SPON1: variants seen among roughly 807,000 people sequenced by gnomAD.
The protein encoded by SPON1 is spondin 1, also known as spondin-1.
A neutral mutation model predicts 111.7 loss-of-function variants in SPON1; 52 were observed. The observed-to-expected ratio is 0.47, with a 90% CI of 0.37 to 0.59. The LOEUF (loss-of-function observed/expected upper bound fraction) is 0.59, where lower values mean the gene tolerates loss of function less well. SPON1 is among the 20% of genes least tolerant of loss of function. The probability of loss-of-function intolerance (pLI) is 0.00; values close to 1 mark genes in which losing one functional copy is unlikely to be tolerated. For missense variants in SPON1, 957 were observed against 1,068.5 expected (o/e 0.90, Z 1.46); for synonymous variants, 410 against 395.8 (o/e 1.04, Z -0.43).
chr11:14,031,996 G>A (rs1848562487), intron 2 of SPON1, among the ~76,000 whole-genome samples: 1 of 152,110 alleles, frequency 6.6e-6, no homozygotes, highest in Non-Finnish European at 1.5e-5. Context: ...ATTTAGCTAA[G>A]GGGGATCATA....
At chr11:14,091,170 G>T (rs1028028331) in intron 5 of SPON1, among the ~76,000 whole-genome samples, 2 of 152,076 alleles carry the variant, frequency 1.3e-5, no homozygotes, top group African/African-American at 4.8e-5. Context: ...AACCTTGAGC[G>T]AGACACAGGG....
rs917642736 is a variant in SPON1 at position 14,254,744 on chromosome 11, C to A, written c.1092+15C>A. ...TGACCTATGAGGTGTGTGTGTGTGC[C>A]TGGAGTGGTGAGTGGCTCCTTGCCT... On this transcript the variant is annotated intron_variant, in intron 8 of 15. Transcript: ENST00000576479. The A allele has an allele frequency of 3.1e-6, 5 of 1,610,778 alleles. No homozygotes were observed. Among genetic ancestry groups the A allele is most frequent in the Non-Finnish European group, 4.2e-6 (5 of 1,178,422 alleles).
At chr11:14,152,498 C>T (rs1338850348) in intron 6 of SPON1, among the ~76,000 whole-genome samples, 2 of 152,214 alleles carry the variant, frequency 1.3e-5, no homozygotes, top group East Asian at 3.8e-4. Flanking sequence ...TGGAGAGCAG[C>T]TCTCTGGAGT....
chr11:14,082,895 C>T (rs558349744), intron 5 of SPON1, among the ~76,000 whole-genome samples: 67 of 152,244 alleles, frequency 4.4e-4, no homozygotes, highest in African/African-American at 1.4e-3. Context: ...TATTAGTCAT[C>T]CAAAACACTG....
chr11:13,978,201 C>T (rs1234647059), intron 1 of SPON1, among the ~76,000 whole-genome samples: 1 of 152,108 alleles, frequency 6.6e-6, no homozygotes, highest in Non-Finnish European at 1.5e-5. Flanking sequence ...CAATTTTGCA[C>T]TTCTTTCATT....
At chr11:14,189,857 A>G (rs1848326309) in intron 6 of SPON1, among the ~76,000 whole-genome samples, 1 of 152,214 alleles carries the variant, frequency 6.6e-6, no homozygotes, top group African/African-American at 2.4e-5. Context: ...CATCATTTCA[A>G]AGCTGGAATT....
chr11:14,009,529 T>G (rs1320690969), intron 2 of SPON1, among the ~76,000 whole-genome samples: 1 of 152,238 alleles, frequency 6.6e-6, no homozygotes, highest in East Asian at 1.9e-4. Flanking sequence ...CATTATATGC[T>G]CTGTTATGTT....
At chr11:14,230,621 G>C (rs146124083) in intron 6 of SPON1, among the ~76,000 whole-genome samples, 1 of 152,180 alleles carries the variant, frequency 6.6e-6, no homozygotes, top group Admixed American at 6.5e-5. Context: ...CTAGAGGTCC[G>C]CCCTACTCTC....
chr11:14,259,205 G>C lies in SPON1; in HGVS notation c.1493-75G>C. 1 of 1,466,626 alleles carries C rather than the reference G, an allele frequency of 6.8e-7. No individual in the cohort carries two copies. Among genetic ancestry groups the C allele is most frequent in the South Asian group, 1.4e-5 (1 of 73,444 alleles). 90.9% of individuals were successfully genotyped at this position (1,466,626 alleles called of 1,614,324 possible). A position where few individuals can be genotyped will look rare whatever the true frequency, so the allele number is the denominator to read the frequency against. ...GACTCCTCTTGATTCCCGCTGGCGG[G>C]AAGTTCCCACCGCGCAGCCTGGCAG... On this transcript the variant is annotated intron_variant, in intron 11 of 15. Coordinates refer to ENST00000576479, the MANE Select transcript of SPON1 (RefSeq NM_006108.4). The surrounding 1 kb of genome is among the most constrained non-coding windows in gnomAD (Gnocchi z 5.0).
chr11:14,197,939 G>A (rs1446891985), intron 6 of SPON1, among the ~76,000 whole-genome samples: 5 of 152,136 alleles, frequency 3.3e-5, no homozygotes, highest in Non-Finnish European at 5.9e-5. Context: ...GGCTTTGTTC[G>A]TTTCTCTCTC....
chr11:14,255,157 GC>G (rs1285012873), intron 8 of SPON1, among the ~76,000 whole-genome samples: 1 of 152,182 alleles, frequency 6.6e-6, no homozygotes, highest in African/African-American at 2.4e-5. Flanking sequence ...AGACAAATCT[GC>G]CCTACAATGT....
intron 7 of SPON1, 69 bp from the exon 8 acceptor site, chr11:14,254,459 C>T (rs1177089871): frequency 2.2e-6 from 3 of 1,337,990 alleles, no homozygotes; most frequent in African/African-American, 1.5e-5. Flanking sequence ...ATAATCCAGG[C>T]AGATTTCCCT....
intron 2 of SPON1, among the ~76,000 whole-genome samples, chr11:14,027,322 G>A (rs1385598691): frequency 2.0e-5 from 3 of 152,220 alleles, no homozygotes; most frequent in African/African-American, 4.8e-5. Context: ...AGTTGGTGAT[G>A]TCGTGGAAAG....
intron 3 of SPON1, among the ~76,000 whole-genome samples, chr11:14,058,344 G>T (rs1848763284): frequency 6.6e-6 from 1 of 152,164 alleles, no homozygotes; most frequent in South Asian, 2.1e-4. Context: ...TGTGACCGGA[G>T]ACTCGCAGAG....
intron 6 of SPON1, among the ~76,000 whole-genome samples, chr11:14,234,755 T>C (rs988233445): frequency 2.6e-5 from 4 of 152,160 alleles, no homozygotes; most frequent in African/African-American, 9.7e-5. Context: ...CAGGGGAAAA[T>C]CATTATCTAC....
intron 5 of SPON1, among the ~76,000 whole-genome samples, chr11:14,109,002 C>T (rs560964506): frequency 1.3e-5 from 2 of 152,292 alleles, no homozygotes; most frequent in South Asian, 4.1e-4. Flanking sequence ...AATTGTTGAG[C>T]TGAGTCCTGG....
intron 5 of SPON1, among the ~76,000 whole-genome samples, chr11:14,097,578 A>G (rs1466099294): frequency 6.6e-6 from 1 of 152,114 alleles, no homozygotes; most frequent in African/African-American, 2.4e-5. Flanking sequence ...GTTTTACCTA[A>G]TATTCCTTGG....
At chr11:14,202,853 C>CCGGGCAGAGT (rs1848478078) in intron 6 of SPON1, among the ~76,000 whole-genome samples, 1 of 152,146 alleles carries the variant, frequency 6.6e-6, no homozygotes, top group Non-Finnish European at 1.5e-5. Flanking sequence ...ACCGATTACA[C>CCGGGCAGAGT]CGGGCAGAGT....
chr11:14,261,457 G>A (rs943415739), intron 14 of SPON1, among the ~76,000 whole-genome samples: 31 of 152,306 alleles, frequency 2.0e-4, no homozygotes, highest in Non-Finnish European at 3.5e-4. Flanking sequence ...CGATGACTCA[G>A]CACCTCTGTT....
Sources: gnomAD v4.1 joint callset for allele counts (sites outside exome capture counted in the v4.1 genomes callset) on GRCh38, gnomAD v4.1.1 for gene constraint, Gnocchi (gnomAD v3.1) non-coding constraint, MANE v1.5 for transcripts, NCBI Gene and HGNC (gene_info 2026-07-23, HGNC 2026-07-21) for gene names.